VWA3B: variants seen among roughly 807,000 people sequenced by gnomAD.
VWA3B encodes von Willebrand factor A domain containing 3B.
VWA3B carries 138 observed loss-of-function variants against 158.3 expected under a neutral mutation model. The observed-to-expected ratio is 0.87, with a 90% CI of 0.76 to 1.00. The LOEUF (loss-of-function observed/expected upper bound fraction) is 1.00, where lower values mean the gene tolerates loss of function less well. Among genes scored for constraint, VWA3B ranks in the 50% least tolerant of loss-of-function variants. VWA3B has a pLI of 0.00. For synonymous variants in VWA3B, 596 were observed against 587.3 expected, an observed-to-expected ratio of 1.01 and a Z score of -0.21; for missense variants, 1,555 against 1,565.1, an observed-to-expected ratio of 0.99 and a Z score of 0.11.
At chr2:98,270,651 C>CTGTT (rs752935633) in intron 21 of VWA3B, 31 bp from the exon 22 acceptor site, 20 of 1,588,422 alleles carry the variant, frequency 1.3e-5, no homozygotes, top group East Asian at 2.2e-5. Context: ...GTTTCTTCCT[C>CTGTT]TGTTTGTTTG....
chr2:98,314,456 G>A (rs959962118), downstream of VWA3B, among the ~76,000 whole-genome samples: 7 of 152,168 alleles, frequency 4.6e-5, no homozygotes, highest in Admixed American at 2.0e-4. Flanking sequence ...ATGGGGCATC[G>A]GATAAAGTAT....
chr2:98,135,528 G>C (rs1279584259), intron 7 of VWA3B, among the ~76,000 whole-genome samples: 1 of 150,766 alleles, frequency 6.6e-6, no homozygotes, highest in Non-Finnish European at 1.5e-5. Flanking sequence ...GTAGAGACGG[G>C]GTTTCACCGT....
At chr2:98,303,929 T>C in intron 26 of VWA3B, 127 bp downstream of exon 26, 1 of 853,724 alleles carries the variant, frequency 1.2e-6, no homozygotes, top group Admixed American at 2.4e-5. Flanking sequence ...AATGTCCTAC[T>C]TAAAATGTAG....
At chr2:98,325,498 C>G in the VWA3B span, among the ~76,000 whole-genome samples, 1 of 152,092 alleles carries the variant, frequency 6.6e-6, no homozygotes, top group Non-Finnish European at 1.5e-5. Flanking sequence ...AAGAATATAT[C>G]ATCAGAAGAA....
the VWA3B span, among the ~76,000 whole-genome samples, chr2:98,323,339 T>C: frequency 5.5e-4 from 83 of 152,058 alleles, no homozygotes; most frequent in African/African-American, 2.0e-3. Flanking sequence ...AGAAGAATTA[T>C]TGAATTTGAA....
At chr2:98,285,649 A>G (rs1444495210) in intron 22 of VWA3B, among the ~76,000 whole-genome samples, 1 of 151,568 alleles carries the variant, frequency 6.6e-6, no homozygotes, top group Non-Finnish European at 1.5e-5. Flanking sequence ...GACTGTAGGT[A>G]TAGGAAGTTT....
At chr2:98,097,910 T>G (rs1682821760) in intron 2 of VWA3B, among the ~76,000 whole-genome samples, 1 of 152,202 alleles carries the variant, frequency 6.6e-6, no homozygotes, top group African/African-American at 2.4e-5. Flanking sequence ...TATCTTCTTT[T>G]GGGAATGTCT....
At chr2:98,206,824 C>A in intron 12 of VWA3B, 1 of 378,582 alleles carries the variant, frequency 2.6e-6, no homozygotes, top group South Asian at 2.1e-5. Context: ...TGCCAAAGCC[C>A]ATGGTGCTTA....
intron 2 of VWA3B, among the ~76,000 whole-genome samples, chr2:98,100,589 C>T (rs1038186860): frequency 6.6e-6 from 1 of 152,196 alleles, no homozygotes; most frequent in African/African-American, 2.4e-5. Flanking sequence ...ATTCATCTCA[C>T]AGCAGCTATG....
At chr2:98,193,137 C>T in intron 11 of VWA3B, 101 bp downstream of exon 11, 1 of 1,431,804 alleles carries the variant, frequency 7.0e-7, no homozygotes, top group Non-Finnish European at 9.4e-7. Flanking sequence ...CTAAGAAAGC[C>T]AAATTCAGAG....
At chr2:98,184,953 T>C (rs1258636905) in intron 9 of VWA3B, among the ~76,000 whole-genome samples, 1 of 152,230 alleles carries the variant, frequency 6.6e-6, no homozygotes, top group Non-Finnish European at 1.5e-5. Flanking sequence ...CTTGCTTTCA[T>C]TGGCTCCAAC....
chr2:98,261,693 TA>T (rs1238322447), intron 21 of VWA3B, among the ~76,000 whole-genome samples: 1 of 151,752 alleles, frequency 6.6e-6, no homozygotes, highest in Non-Finnish European at 1.5e-5. Context: ...TTGACTGACA[TA>T]TTTTTTTTCA....
chr2:98,194,270 A>G (rs1354537611), intron 11 of VWA3B, 91 bp from the exon 12 acceptor site: 8 of 1,340,054 alleles, frequency 6.0e-6, no homozygotes, highest in Non-Finnish European at 8.3e-6. Context: ...AATAGAGACC[A>G]TCATGATTAA....
intron 7 of VWA3B, among the ~76,000 whole-genome samples, chr2:98,141,024 C>A (rs570085951): frequency 1.5e-4 from 23 of 152,320 alleles, no homozygotes; most frequent in Non-Finnish European, 3.1e-4. Context: ...ATTGCCTTGG[C>A]ACCTGGCTCT....
At chr2:98,282,083 C>A (rs992024614) in intron 22 of VWA3B, among the ~76,000 whole-genome samples, 1 of 152,194 alleles carries the variant, frequency 6.6e-6, no homozygotes, top group Admixed American at 6.5e-5. Context: ...AACTGTACGG[C>A]ACCCCGAAGT....
intron 22 of VWA3B, among the ~76,000 whole-genome samples, chr2:98,282,542 A>G (rs1366687668): frequency 6.6e-6 from 1 of 150,580 alleles, no homozygotes; most frequent in Non-Finnish European, 1.5e-5. Flanking sequence ...GGTTTAAGTA[A>G]TTCTTGTGCC....
chr2:98,193,077 T>A (rs1182435628), intron 11 of VWA3B, 41 bp downstream of exon 11: 1 of 1,578,508 alleles, frequency 6.3e-7, no homozygotes, highest in African/African-American at 1.3e-5. Flanking sequence ...GGGCTTTGTG[T>A]ATCAGATGGT....
chr2:98,234,298 G>A (rs1457520831), intron 16 of VWA3B, among the ~76,000 whole-genome samples: 1 of 152,200 alleles, frequency 6.6e-6, no homozygotes, highest in Non-Finnish European at 1.5e-5. Flanking sequence ...TCTTGAAGAT[G>A]GAAGAGTCGT....
intron 2 of VWA3B, among the ~76,000 whole-genome samples, chr2:98,100,344 C>G (rs1268400117): frequency 2.0e-5 from 3 of 152,200 alleles, no homozygotes; most frequent in African/African-American, 4.8e-5. Context: ...ATGACTGGCA[C>G]AGTGCTGGGT....
Sources: gnomAD v4.1 joint callset for allele counts (sites outside exome capture counted in the v4.1 genomes callset) on GRCh38, gnomAD v4.1.1 for gene constraint, MANE v1.5 for transcripts, NCBI Gene and HGNC (gene_info 2026-07-23, HGNC 2026-07-21) for gene names.